The following KANSL1L variants were observed in gnomAD, a reference collection of about 807,000 sequenced individuals.
KANSL1L encodes KAT8 regulatory NSL complex subunit 1-like protein.
KANSL1L carries 25 observed loss-of-function variants against 108.6 expected under a neutral mutation model. That is an observed-to-expected ratio of 0.23 (90% confidence interval 0.17 to 0.32). KANSL1L has a LOEUF of 0.32. Among genes scored for constraint, KANSL1L ranks in the 10% least tolerant of loss-of-function variants. The pLI is 1.00. For missense variants in KANSL1L, 1,137 were observed against 1,125.7 expected (o/e 1.01, Z -0.14); for synonymous variants, 405 against 395.1 (o/e 1.03, Z -0.30).
intron 3 of KANSL1L, among the ~76,000 whole-genome samples, chr2:210,124,064 C>G (rs2095044928): frequency 6.6e-6 from 1 of 152,044 alleles, no homozygotes; most frequent in Non-Finnish European, 1.5e-5. Context: ...TAGTTGGATA[C>G]TTCTATAACT....
chr2:210,094,908 A>G (rs557808892), intron 5 of KANSL1L, among the ~76,000 whole-genome samples: 1 of 152,038 alleles, frequency 6.6e-6, no homozygotes, highest in East Asian at 1.9e-4. Context: ...AGGGGAGAGG[A>G]GAGGAGGGGA....
intron 3 of KANSL1L, among the ~76,000 whole-genome samples, chr2:210,127,860 T>C (rs903511569): frequency 7.8e-6 from 1 of 128,616 alleles, no homozygotes; most frequent in Non-Finnish European, 1.7e-5. Context: ...ATAAATCATA[T>C]ATCTGATAAG....
chr2:210,161,881 A>T (rs1028425965), intron 1 of KANSL1L, among the ~76,000 whole-genome samples: 9 of 151,818 alleles, frequency 5.9e-5, no homozygotes, highest in African/African-American at 1.4e-4. Context: ...AAAATTTTTT[A>T]AAATTTTTAT....
intron 2 of KANSL1L, among the ~76,000 whole-genome samples, chr2:210,134,953 GA>G (rs1319361357): frequency 6.6e-6 from 1 of 152,086 alleles, no homozygotes; most frequent in African/African-American, 2.4e-5. Flanking sequence ...CATAGACCAA[GA>G]GTAATTCCCA....
In KANSL1L at chr2:210,154,320, G is replaced by T. The variant is rs968234123; in HGVS notation, c.263C>A (p.Thr88Lys). The T allele has an allele frequency of 1.2e-6, 2 of 1,612,164 alleles. No individual in the cohort carries two copies. The highest frequency in any genetic ancestry group is 2.7e-5 in the African/African-American group (2 of 74,746). ...QTVFLMRSNS[T>K]LNKHNENYKQ... The stretch of plus-strand genomic sequence containing the variant: ...ATAATTCTCATTGTGTTTATTTAAT[G>T]TAGAATTAGATCTCATTAAAAAAAC... The change falls in exon 2 of 15, where the codon ACA (threonine) becomes AAA (lysine). Residue 88 changes from threonine (T) to lysine (K), a missense_variant. Transcript: ENST00000281772.
chr2:210,165,213 C>G (rs946447372), intron 1 of KANSL1L, among the ~76,000 whole-genome samples: 17 of 151,628 alleles, frequency 1.1e-4, no homozygotes, highest in Non-Finnish European at 2.4e-4. Context: ...AAAAAAAATT[C>G]CTTAGCACAT....
chr2:210,105,118 G>A (rs756963401), intron 3 of KANSL1L, among the ~76,000 whole-genome samples: 65 of 151,816 alleles, frequency 4.3e-4, no homozygotes, highest in Non-Finnish European at 8.2e-4. Context: ...AGAGGCAATG[G>A]AGACAACAGA....
chr2:210,135,532 T>G (rs2095165822), intron 2 of KANSL1L, among the ~76,000 whole-genome samples: 2 of 152,064 alleles, frequency 1.3e-5, no homozygotes, highest in Non-Finnish European at 2.9e-5. Flanking sequence ...TGAGCCAAAA[T>G]TATGTGCACA....
intron 13 of KANSL1L, 43 bp from the exon 14 acceptor site, chr2:210,024,244 G>A (rs1274445433): frequency 1.4e-6 from 2 of 1,481,132 alleles, no homozygotes; most frequent in Admixed American, 2.2e-5. Flanking sequence ...TTTATTTTTT[G>A]AGGTCTTGAA....
At chr2:210,146,984 G>A (rs2095270576) in intron 2 of KANSL1L, among the ~76,000 whole-genome samples, 2 of 152,092 alleles carry the variant, frequency 1.3e-5, no homozygotes, top group African/African-American at 4.8e-5. Context: ...CAGCTTAAAT[G>A]GGAGTTAAAG....
intron 6 of KANSL1L, among the ~76,000 whole-genome samples, chr2:210,048,802 G>A (rs1046344097): frequency 6.6e-6 from 1 of 151,858 alleles, no homozygotes; most frequent in African/African-American, 2.4e-5. Context: ...AGCTTCTGTT[G>A]AGAGTTTATT....
intron 5 of KANSL1L, among the ~76,000 whole-genome samples, chr2:210,079,021 G>A (rs371535646): frequency 2.5e-4 from 38 of 152,176 alleles, no homozygotes; most frequent in African/African-American, 9.2e-4. Flanking sequence ...AACAATTGTA[G>A]CTCACTGCAG....
chr2:210,138,640 T>C (rs1446933961), intron 2 of KANSL1L, among the ~76,000 whole-genome samples: 1 of 152,210 alleles, frequency 6.6e-6, no homozygotes, highest in Admixed American at 6.5e-5. Context: ...TATTACATAT[T>C]TATGGTGTAC....
intron 2 of KANSL1L, among the ~76,000 whole-genome samples, chr2:210,133,159 G>A (rs1316729602): frequency 6.6e-6 from 1 of 151,868 alleles, no homozygotes; most frequent in East Asian, 1.9e-4. Context: ...CAAAATCTGC[G>A]GAAATGGTCA....
At position 210,101,100 on chromosome 2, in the gene KANSL1L, T is replaced by C. The variant is rs185638676; in HGVS notation, c.1429-2893A>G. On this transcript the variant is annotated intron_variant, in intron 4 of 14. Coordinates refer to ENST00000281772, the MANE Select transcript of KANSL1L (RefSeq NM_152519.4). ...ATCTTTTACTTCTGCTCTCTTTACA[T>C]AGAGCCATTACTGCTCTCACAACTC... 1.2e-3 allele frequency among the ~76,000 whole-genome samples: 189 copies of C among 152,332 alleles called. 1 individual carries two copies. The highest frequency in any genetic ancestry group is 4.3e-3 in the African/African-American group (177 of 41,582).
At chr2:210,136,311 G>A (rs1313497057) in intron 2 of KANSL1L, among the ~76,000 whole-genome samples, 1 of 151,902 alleles carries the variant, frequency 6.6e-6, no homozygotes, top group Non-Finnish European at 1.5e-5. Context: ...AGAAAAAAAA[G>A]GAGAGATTGG....
chr2:210,034,912 T>A (rs373782328), intron 8 of KANSL1L, among the ~76,000 whole-genome samples: 1 of 152,086 alleles, frequency 6.6e-6, no homozygotes, highest in African/African-American at 2.4e-5. Context: ...TTTTCTGAAA[T>A]CCCCCAAATG....
chr2:210,151,209 T>A (rs972054139), intron 2 of KANSL1L, among the ~76,000 whole-genome samples: 1 of 152,090 alleles, frequency 6.6e-6, no homozygotes, highest in East Asian at 1.9e-4. Flanking sequence ...TTTGTATAGA[T>A]GAGGTTTTGC....
At chr2:210,043,815 C>T (rs2094194513) in intron 7 of KANSL1L, 124 bp downstream of exon 7, 1 of 571,118 alleles carries the variant, frequency 1.8e-6, no homozygotes, top group Non-Finnish European at 2.9e-6. Flanking sequence ...CAAGGCATTG[C>T]TTAGTTCTAA....
Sources: gnomAD v4.1 joint callset for allele counts (sites outside exome capture counted in the v4.1 genomes callset) on GRCh38, gnomAD v4.1.1 for gene constraint, MANE v1.5 for transcripts, NCBI Gene and HGNC (gene_info 2026-07-23, HGNC 2026-07-21) for gene names.